The following CAP2 variants were observed in gnomAD, a reference collection of about 807,000 sequenced individuals.
CAP2 encodes the protein cyclase associated actin cytoskeleton regulatory protein 2, also known as adenylyl cyclase-associated protein 2.
A neutral mutation model predicts 57.7 loss-of-function variants in CAP2; 24 were observed. That is an observed-to-expected ratio of 0.42 (90% confidence interval 0.30 to 0.58). The LOEUF (loss-of-function observed/expected upper bound fraction) is 0.58, where lower values mean the gene tolerates loss of function less well. Among genes scored for constraint, CAP2 ranks in the 20% least tolerant of loss-of-function variants. The pLI, the probability that CAP2 is intolerant of heterozygous loss-of-function variation, is 0.22. For missense variants in CAP2, 501 were observed against 590.3 expected, an observed-to-expected ratio of 0.85 and a Z score of 1.57; for synonymous variants, 194 against 207.2, an observed-to-expected ratio of 0.94 and a Z score of 0.55.
At chr6:17,511,217 A>T (rs931952334) in intron 6 of CAP2, among the ~76,000 whole-genome samples, 7 of 152,084 alleles carry the variant, frequency 4.6e-5, no homozygotes, top group Admixed American at 6.5e-5. Flanking sequence ...CTGAAAGCGG[A>T]CTAAGCAGCA....
intron 4 of CAP2, among the ~76,000 whole-genome samples, chr6:17,496,532 C>T (rs1000979676): frequency 6.6e-6 from 1 of 151,906 alleles, no homozygotes; most frequent in Non-Finnish European, 1.5e-5. Context: ...CACTCTATTG[C>T]CCAGGCTGGT....
chr6:17,419,257 C>T (rs1457975462), intron 1 of CAP2, among the ~76,000 whole-genome samples: 3 of 152,166 alleles, frequency 2.0e-5, no homozygotes, highest in Non-Finnish European at 4.4e-5. Context: ...CCAGCAGAAA[C>T]ATAAAATATT....
chr6:17,399,090 G>A (rs191197656), intron 1 of CAP2, among the ~76,000 whole-genome samples: 54 of 152,248 alleles, frequency 3.5e-4, no homozygotes, highest in African/African-American at 1.3e-3. Flanking sequence ...TTTTGAGACA[G>A]TCTCGCTTTG....
intron 1 of CAP2, among the ~76,000 whole-genome samples, chr6:17,404,340 T>G (rs1357096400): frequency 6.6e-6 from 1 of 152,150 alleles, no homozygotes; most frequent in Admixed American, 6.5e-5. Context: ...GTGCGGTGGC[T>G]CATGCCTGTA....
chr6:17,554,105 ATTTG>A (rs960086746), intron 12 of CAP2, among the ~76,000 whole-genome samples: 2 of 151,932 alleles, frequency 1.3e-5, no homozygotes, highest in African/African-American at 4.8e-5. Context: ...TATTTTATTT[ATTTG>A]TTTGTTTGTT....
chr6:17,507,576 G>A (rs1192904193), intron 5 of CAP2, 65 bp from the exon 6 acceptor site: 1 of 1,002,740 alleles, frequency 1.0e-6, no homozygotes, highest in Non-Finnish European at 1.6e-6. Flanking sequence ...TCTTCTTTAA[G>A]GCATTTTCTT....
At chr6:17,475,194 CAAAA>C (rs1172435772) in intron 4 of CAP2, among the ~76,000 whole-genome samples, 2 of 105,884 alleles carry the variant, frequency 1.9e-5, no homozygotes, top group Non-Finnish European at 2.1e-5. Flanking sequence ...GACTCCATCT[CAAAA>C]AAAAAAAAAA....
intron 4 of CAP2, among the ~76,000 whole-genome samples, chr6:17,493,783 A>G (rs1761599957): frequency 6.6e-6 from 1 of 151,932 alleles, no homozygotes; most frequent in African/African-American, 2.4e-5. Flanking sequence ...GGCAAAAAAA[A>G]AAAAAAAGCA....
chr6:17,481,303 A>G (rs1272385800), intron 4 of CAP2, among the ~76,000 whole-genome samples: 4 of 152,058 alleles, frequency 2.6e-5, no homozygotes, highest in Admixed American at 1.3e-4. Flanking sequence ...TTTAAACTCT[A>G]TCTCTTTCTG....
At chr6:17,546,017 CT>C in intron 11 of CAP2, among the ~76,000 whole-genome samples, 1 of 152,272 alleles carries the variant, frequency 6.6e-6, no homozygotes, top group African/African-American at 2.4e-5. Flanking sequence ...GTGCATGTGT[CT>C]TTATAGCAGC....
chr6:17,555,116 T>C (rs1341491054), intron 12 of CAP2, among the ~76,000 whole-genome samples: 2 of 152,210 alleles, frequency 1.3e-5, no homozygotes, highest in Non-Finnish European at 2.9e-5. Flanking sequence ...TGGGAGCTTG[T>C]TGGAAATGCA....
rs1422843204 is a variant in CAP2, at chr6:17,507,684, C to A, written c.488C>A (p.Ala163Asp). 3 of 1,611,078 alleles carry A rather than the reference C, an allele frequency of 1.9e-6. No individual in the cohort carries two copies. Among genetic ancestry groups the A allele is most frequent in the Non-Finnish European group, 2.5e-6 (3 of 1,177,492 alleles). Residue 163 changes from alanine to aspartate, a missense_variant, in exon 6 of 13, where the codon GCC becomes GAC. Ala to Asp is a moderately radical substitution (Grantham distance 126, BLOSUM62 -2). Transcript: ENST00000229922. ...TATGTCAAGGAGATGAATGACGCTG[C>A]CACCTTTTACACTAACAGGGTCTTA... Reference protein sequence around the residue: ...GPYVKEMNDAATFYTNRVLKD... With the variant: ...GPYVKEMNDADTFYTNRVLKD...
chr6:17,427,222 C>A (rs192355562), intron 3 of CAP2, among the ~76,000 whole-genome samples: 262 of 152,096 alleles, frequency 1.7e-3, no homozygotes, highest in African/African-American at 6.0e-3. Flanking sequence ...GTGTTCCCAG[C>A]AGAACAGAAG....
intron 1 of CAP2, 40 bp from the exon 2 acceptor site, chr6:17,421,515 G>C: frequency 6.2e-7 from 1 of 1,613,112 alleles, no homozygotes; most frequent in Non-Finnish European, 8.5e-7. Flanking sequence ...CATCCTCCCT[G>C]ATGCTCACGC....
intron 3 of CAP2, among the ~76,000 whole-genome samples, chr6:17,444,843 C>CACACA (rs1554123214): frequency 5.7e-5 from 8 of 139,632 alleles, no homozygotes; most frequent in Non-Finnish European, 1.3e-4. Flanking sequence ...CACACACACA[C>CACACA]AACACGAGTC....
Position 17,513,961 on chromosome 6 carries a change from A to G in CAP2, c.636+7A>G. On this transcript the variant is annotated splice_region_variant and intron_variant, in intron 7 of 12. Transcript: ENST00000229922. This position sits in a 1 kb window ranked among gnomAD's most constrained non-coding sequence, Gnocchi z 4.3. The stretch of plus-strand genomic sequence containing the variant: ...CCTCACATGGAGCAAAACAGTGAGT[A>G]CGAGGCCTTCCTCCACGTGTGTAAA... 6.4e-7 allele frequency: 1 copy of G among 1,552,726 alleles called. No homozygotes were observed. The highest frequency in any genetic ancestry group is 8.9e-7 in the Non-Finnish European group (1 of 1,123,968).
chr6:17,518,373 C>T (rs991252424), intron 7 of CAP2, among the ~76,000 whole-genome samples: 13 of 152,062 alleles, frequency 8.5e-5, no homozygotes, highest in African/African-American at 2.2e-4. Flanking sequence ...TGTGGCCTGT[C>T]GACATTCCAG....
intron 1 of CAP2, among the ~76,000 whole-genome samples, chr6:17,407,270 T>G (rs573461469): frequency 6.6e-6 from 1 of 152,142 alleles, no homozygotes; most frequent in Non-Finnish European, 1.5e-5. Flanking sequence ...AACCTGTAGT[T>G]TTTTAGTGGT....
intron 7 of CAP2, among the ~76,000 whole-genome samples, chr6:17,538,377 G>A (rs977228491): frequency 2.6e-5 from 4 of 151,458 alleles, no homozygotes; most frequent in Non-Finnish European, 4.4e-5. Context: ...AATCGCTTGC[G>A]CCCAGGAGTT....
Sources: allele counts gnomAD v4.1 joint callset (sites outside exome capture counted in the v4.1 genomes callset), GRCh38; gene constraint gnomAD v4.1.1; non-coding constraint Gnocchi (gnomAD v3.1); transcripts MANE v1.5; gene names NCBI Gene and HGNC (gene_info 2026-07-23, HGNC 2026-07-21).